Variants in RARB observed in about 807,000 individuals in gnomAD.
RARB encodes retinoic acid receptor beta.
Under a neutral mutation model 51.9 loss-of-function variants are expected in RARB, and 17 were observed. That is an observed-to-expected ratio of 0.33 (90% CI 0.22 to 0.49). RARB has a LOEUF of 0.49. Ranked by LOEUF, RARB falls within the 20% of genes least tolerant of loss-of-function variation. The pLI is 0.99. For synonymous variants in RARB, 215 were observed against 195.4 expected (o/e 1.10, Z -0.84); for missense variants, 369 against 550.8 (o/e 0.67, Z 3.30).
intron 5 of RARB, among the ~76,000 whole-genome samples, chr3:25,330,484 A>G (rs1326877510): frequency 6.6e-6 from 1 of 152,214 alleles, no homozygotes; most frequent in Non-Finnish European, 1.5e-5. Context: ...TGTCACAACC[A>G]GGCCTGCCCT....
At chr3:24,860,266 T>C (rs1416688222) in intron 2 of RARB, among the ~76,000 whole-genome samples, 1 of 152,176 alleles carries the variant, frequency 6.6e-6, no homozygotes, top group Admixed American at 6.5e-5. Flanking sequence ...CTGATTGTTC[T>C]AGGAATAAAC....
At chr3:25,573,257 A>C (rs1003275567) in intron 4 of RARB, among the ~76,000 whole-genome samples, 1 of 152,028 alleles carries the variant, frequency 6.6e-6, no homozygotes, top group African/African-American at 2.4e-5. Context: ...TTCCAATTCT[A>C]GTCTCAGCCT....
chr3:25,130,937 ATATCAATATTTATTATTGATAATAT>A (rs1197297193), intron 3 of RARB, among the ~76,000 whole-genome samples: 2 of 64,118 alleles, frequency 3.1e-5, no homozygotes, highest in African/African-American at 1.8e-4. Flanking sequence ...ATCATTGATA[ATATCAATATTTATTATTGATAATAT>A]TATCAATATT....
chr3:25,311,602 G>A (rs992877944), intron 5 of RARB, among the ~76,000 whole-genome samples: 1 of 152,196 alleles, frequency 6.6e-6, no homozygotes, highest in African/African-American at 2.4e-5. Flanking sequence ...AGTATTCACA[G>A]CGGGGCAGCT....
chr3:24,953,913 C>T (rs1199059143), intron 2 of RARB, among the ~76,000 whole-genome samples: 5 of 152,136 alleles, frequency 3.3e-5, no homozygotes, highest in Admixed American at 2.0e-4. Flanking sequence ...GACACAGGAC[C>T]ACTAGGGTTT....
intron 5 of RARB, among the ~76,000 whole-genome samples, chr3:25,421,795 G>A (rs1470892497): frequency 5.9e-5 from 9 of 152,124 alleles, no homozygotes; most frequent in Non-Finnish European, 1.2e-4. Flanking sequence ...ACATTTTGCA[G>A]GTGAGAGAAT....
chr3:25,346,703 A>C (rs1321995859), intron 5 of RARB, among the ~76,000 whole-genome samples: 1 of 152,190 alleles, frequency 6.6e-6, no homozygotes, highest in Non-Finnish European at 1.5e-5. Context: ...ATGTTTTGAC[A>C]TAGCTGTTTG....
intron 5 of RARB, among the ~76,000 whole-genome samples, chr3:25,259,302 T>C (rs1026510666): frequency 2.0e-5 from 3 of 152,150 alleles, no homozygotes; most frequent in African/African-American, 7.2e-5. Context: ...TCTTCATATT[T>C]GGATGTAGCC....
chr3:25,099,673 T>A (rs548238006), intron 3 of RARB, among the ~76,000 whole-genome samples: 3 of 151,416 alleles, frequency 2.0e-5, no homozygotes, highest in Admixed American at 2.0e-4. Context: ...AACATTTGTG[T>A]AAAGGTTTTC....
intron 5 of RARB, among the ~76,000 whole-genome samples, chr3:25,375,275 T>C (rs1322511454): frequency 6.6e-6 from 1 of 152,176 alleles, no homozygotes. Flanking sequence ...AACAATGTAT[T>C]TCTACCACCC....
intron 2 of RARB, among the ~76,000 whole-genome samples, chr3:25,051,972 C>A (rs959690639): frequency 2.4e-4 from 36 of 152,162 alleles, no homozygotes; most frequent in Non-Finnish European, 8.8e-5. Flanking sequence ...ATATATTTGA[C>A]ACTCATGCTA....
chr3:25,163,504 A>AATATATATATATATATATATATATAT lies in RARB; in HGVS notation c.-279-10606_-279-10581dup, dbSNP rs138389529. On this transcript the variant is annotated intron_variant, in intron 4 of 11. Transcript: ENST00000383772. ...TGAGCAGAATAAGACCCTATCTCAA[A>AATATATATATATATATATATATATAT]ATATATATATATATATATATATATA... is the stretch of plus-strand genomic sequence containing the variant. 9.5e-4 allele frequency among the ~76,000 whole-genome samples: 125 copies of AATATATATATATATATATATATATAT among 130,988 alleles called. 1 individual carries two copies. Among genetic ancestry groups the AATATATATATATATATATATATATAT allele is most frequent in the African/African-American group, 1.8e-3 (55 of 31,142 alleles). The allele number at this position is 130,988 out of a possible 152,430, so 85.9% of individuals were successfully genotyped here.
At chr3:24,873,941 A>G (rs990524209) in intron 2 of RARB, among the ~76,000 whole-genome samples, 1 of 152,126 alleles carries the variant, frequency 6.6e-6, no homozygotes, top group African/African-American at 2.4e-5. Flanking sequence ...CAGATCAAAA[A>G]TGTTCAGGGG....
intron 4 of RARB, among the ~76,000 whole-genome samples, chr3:25,160,573 T>C (rs1700458223): frequency 6.6e-6 from 1 of 152,168 alleles, no homozygotes. Flanking sequence ...CCAGGAGAAA[T>C]AATTGGTCAG....
chr3:25,207,749 A>C lies in RARB; in HGVS notation c.178+33174A>C, dbSNP rs1559506058. Among the ~76,000 whole-genome samples the C allele has an allele frequency of 2.6e-5, 4 of 152,230 alleles. No homozygotes were observed. In the South Asian group the frequency reaches 8.3e-4, roughly 31 times the overall value. ...TAAGGTGCTCAGTAAATATTGCTTG[A>C]ATGAATGAATGAACGAATGCAATTA... On this transcript the variant is annotated intron_variant, in intron 5 of 11. Transcript: ENST00000383772.
At chr3:24,871,545 T>G (rs954691708) in intron 2 of RARB, among the ~76,000 whole-genome samples, 31 of 152,156 alleles carry the variant, frequency 2.0e-4, no homozygotes, top group Non-Finnish European at 4.0e-4. Context: ...AGGGCTCAGT[T>G]CTTGGACTTT....
Position 25,412,708 on chromosome 3 carries a change from A to C in RARB, c.179-48485A>C, listed in dbSNP as rs142731314. Reference sequence around the variant, plus strand: ...AACTGAACACAAACATTTAACCAGCACTCAGATCGAGAAAAAGAACATGAC... The same window carrying C: ...AACTGAACACAAACATTTAACCAGCCCTCAGATCGAGAAAAAGAACATGAC... On this transcript the variant is annotated intron_variant, in intron 5 of 11. Coordinates refer to the RARB transcript ENST00000383772. 9.3e-3 allele frequency among the ~76,000 whole-genome samples: 1,417 copies of C among 152,306 alleles called. 10 individuals carry two copies. The highest frequency in any genetic ancestry group is 0.015 in the Non-Finnish European group (1,040 of 68,024).
chr3:24,942,135 G>A lies in RARB; in HGVS notation c.-380+83383G>A, dbSNP rs181352249. Among the ~76,000 whole-genome samples, 64 of 152,304 alleles carry A rather than the reference G, an allele frequency of 4.2e-4. 1 individual carries two copies. The highest frequency in any genetic ancestry group is 6.5e-4 in the Non-Finnish European group (44 of 68,022). On this transcript the variant is annotated intron_variant, in intron 2 of 11. Transcript: ENST00000383772. ...TAAGTGACTTGTTCAAGGTCACACCGCTATTATGCGGTAAAACTGGGACTG... is the reference window on the plus strand; with the variant it reads ...TAAGTGACTTGTTCAAGGTCACACCACTATTATGCGGTAAAACTGGGACTG...
chr3:25,052,051 C>T lies in RARB; in HGVS notation c.-379-8074C>T, dbSNP rs143219609. Among the ~76,000 whole-genome samples, 145 of 152,218 alleles carry T rather than the reference C, an allele frequency of 9.5e-4. 1 individual carries two copies. In the East Asian group the frequency reaches 0.019, roughly 19 times the overall value. On this transcript the variant is annotated intron_variant, in intron 2 of 11. Coordinates refer to the RARB transcript ENST00000383772. ...ACCCAGGCTAATGGAGGCTCCATCT[C>T]GGTATATGCTTTTGTGAGCACTAAG...
Sources: gnomAD v4.1 joint callset for allele counts (sites outside exome capture counted in the v4.1 genomes callset) on GRCh38, gnomAD v4.1.1 for gene constraint, MANE v1.5 for transcripts, NCBI Gene and HGNC (gene_info 2026-07-23, HGNC 2026-07-21) for gene names.